The following ERCC6L2 variants were observed in gnomAD, a reference collection of about 807,000 sequenced individuals.
ERCC6L2 encodes the protein ERCC excision repair 6 like 2.
A neutral mutation model predicts 132.0 loss-of-function variants in ERCC6L2; 77 were observed. That is an observed-to-expected ratio of 0.58 (90% CI 0.49 to 0.71). ERCC6L2 has a LOEUF of 0.71. Among genes scored for constraint, ERCC6L2 ranks in the 30% least tolerant of loss-of-function variants. The probability of loss-of-function intolerance (pLI) is 0.00; values close to 1 mark genes in which losing one functional copy is unlikely to be tolerated. For synonymous variants in ERCC6L2, 583 were observed against 632.4 expected, an observed-to-expected ratio of 0.92 and a Z score of 1.17; for missense variants, 1,542 against 1,837.6, an observed-to-expected ratio of 0.84 and a Z score of 2.94.
chr9:95,953,351 C>G (rs924427438), intron 12 of ERCC6L2, among the ~76,000 whole-genome samples: 1 of 152,014 alleles, frequency 6.6e-6, no homozygotes, highest in Non-Finnish European at 1.5e-5. Flanking sequence ...CCGAGGCAGG[C>G]GGATCATGAG....
At chr9:96,009,222 G>T (rs561291712) in intron 18 of ERCC6L2, among the ~76,000 whole-genome samples, 1 of 152,218 alleles carries the variant, frequency 6.6e-6, no homozygotes, top group Non-Finnish European at 1.5e-5. Flanking sequence ...TGACAGACTC[G>T]TCAGCTTCGT....
intron 11 of ERCC6L2, among the ~76,000 whole-genome samples, chr9:95,936,545 C>T (rs1830561077): frequency 6.6e-6 from 1 of 152,174 alleles, no homozygotes; most frequent in South Asian, 2.1e-4. Flanking sequence ...ATGTTAGCCA[C>T]ATTTTTAAAT....
At chr9:96,019,043 C>A (rs142225888), downstream of ERCC6L2, among the ~76,000 whole-genome samples, 1 of 152,148 alleles carries the variant, frequency 6.6e-6, no homozygotes, top group South Asian at 2.1e-4. Context: ...GGGAAAAATG[C>A]GTGTGCAGCT....
chr9:95,908,156 C>T (rs1829169436), intron 4 of ERCC6L2, among the ~76,000 whole-genome samples: 2 of 152,122 alleles, frequency 1.3e-5, no homozygotes, highest in Admixed American at 1.3e-4. Context: ...TGAATTGTGT[C>T]GCTTCTCCTC....
intron 17 of ERCC6L2, among the ~76,000 whole-genome samples, chr9:95,996,389 G>A (rs1020075697): frequency 6.6e-6 from 1 of 152,270 alleles, no homozygotes; most frequent in African/African-American, 2.4e-5. Context: ...AAGTGCTGAT[G>A]TAGAAGCTGC....
intron 18 of ERCC6L2, among the ~76,000 whole-genome samples, chr9:96,011,709 G>C (rs1834030919): frequency 6.6e-6 from 1 of 152,096 alleles, no homozygotes; most frequent in Non-Finnish European, 1.5e-5. Context: ...CTTTCCTTTG[G>C]GCTCATCAAA....
At chr9:96,038,795 C>G (rs1200987911) in intron 19 of ERCC6L2, 5 of 452,200 alleles carry the variant, frequency 1.1e-5, no homozygotes, top group Non-Finnish European at 2.2e-5. Flanking sequence ...TCCCCTCATA[C>G]CGAATGGGGG....
chr9:95,877,621 C>CA (rs564546920), intron 1 of ERCC6L2, among the ~76,000 whole-genome samples: 157 of 152,052 alleles, frequency 1.0e-3, no homozygotes, highest in Non-Finnish European at 2.1e-3. Context: ...GCCTGGACAA[C>CA]ATAAGCGAGA....
At chr9:95,964,366 A>G (rs185879429) in intron 13 of ERCC6L2, among the ~76,000 whole-genome samples, 11 of 152,166 alleles carry the variant, frequency 7.2e-5, no homozygotes, top group African/African-American at 2.6e-4. Context: ...TTCTTTTTGC[A>G]CTTCTTTACT....
chr9:95,945,242 G>T (rs900992978), intron 12 of ERCC6L2, among the ~76,000 whole-genome samples: 5 of 152,114 alleles, frequency 3.3e-5, no homozygotes, highest in African/African-American at 9.7e-5. Context: ...AGAATTCAGC[G>T]ATATTTCTCC....
At chr9:96,030,334 C>T (rs1258196690) in intron 19 of ERCC6L2, among the ~76,000 whole-genome samples, 1 of 152,158 alleles carries the variant, frequency 6.6e-6, no homozygotes, top group Non-Finnish European at 1.5e-5. Context: ...CTCGGGTTCC[C>T]TTCCATGCTG....
intron 19 of ERCC6L2, among the ~76,000 whole-genome samples, chr9:96,029,904 G>A (rs559603932): frequency 1.3e-5 from 2 of 152,188 alleles, no homozygotes; most frequent in Non-Finnish European, 2.9e-5. Context: ...GCTGTTGGGC[G>A]TGCCTTTGCT....
In ERCC6L2 at chr9:96,001,707, G is replaced by A. The variant is rs185446083; in HGVS notation, c.3493-2813G>A. ...AGGTGGAGCTGCCTGCCAGTCCTGC[G>A]CCGTGTGCTCGCATTCCTCAGCCCT... On this transcript the variant is annotated intron_variant, in intron 17 of 18. Coordinates refer to ENST00000653738, the MANE Select transcript of ERCC6L2 (RefSeq NM_020207.7). Among the ~76,000 whole-genome samples the A allele has an allele frequency of 5.4e-3, 826 of 152,376 alleles. 7 individuals carry two copies. Among genetic ancestry groups the A allele is most frequent in the African/African-American group, 0.016 (677 of 41,598 alleles).
At chr9:95,918,609 T>C in intron 6 of ERCC6L2, 1 of 298,916 alleles carries the variant, frequency 3.3e-6, no homozygotes, top group South Asian at 3.4e-5. Context: ...TCGGGGGGCC[T>C]AGGACTGGCT....
At chr9:95,918,442 C>T (rs1829704563) in intron 6 of ERCC6L2, 3 of 445,862 alleles carry the variant, frequency 6.7e-6, no homozygotes, top group South Asian at 5.1e-5. Context: ...GGCCTCATAG[C>T]TACCATTTAT....
At chr9:95,989,828 A>G (rs1833229688) in intron 17 of ERCC6L2, among the ~76,000 whole-genome samples, 3 of 152,218 alleles carry the variant, frequency 2.0e-5, no homozygotes, top group Admixed American at 2.0e-4. Flanking sequence ...CAAATGAGAA[A>G]TCAACATAAT....
In ERCC6L2 at chr9:95,881,132, G is replaced by A. The variant is rs564457309; in HGVS notation, c.310G>A (p.Val104Ile). The A allele has an allele frequency of 1.9e-6, 3 of 1,613,706 alleles. No individual in the cohort carries two copies. Among genetic ancestry groups the A allele is most frequent in the Non-Finnish European group, 2.5e-6 (3 of 1,179,882 alleles). ...AAACCGAAAATTTCCATCATCTTCTGTTGCTTTTAAATTATCTGACAATGG... is the reference window on the plus strand; with the variant it reads ...AAACCGAAAATTTCCATCATCTTCTATTGCTTTTAAATTATCTGACAATGG... ...FPNRKFPSSS[V>I]AFKLSDNGDS... is the part of the protein sequence containing the mutation. Residue 104 changes from valine to isoleucine, a missense_variant, in exon 2 of 19, where the codon GTT becomes ATT. Coordinates refer to ENST00000653738, the MANE Select transcript of ERCC6L2 (RefSeq NM_020207.7).
intron 6 of ERCC6L2, among the ~76,000 whole-genome samples, chr9:95,917,941 A>T (rs534081598): frequency 1.3e-5 from 2 of 152,214 alleles, no homozygotes; most frequent in African/African-American, 4.8e-5. Flanking sequence ...TTGTACTTCA[A>T]TCATTGACCA....
chr9:96,037,230 C>G (rs911642700), intron 19 of ERCC6L2, among the ~76,000 whole-genome samples: 1 of 152,196 alleles, frequency 6.6e-6, no homozygotes, highest in Non-Finnish European at 1.5e-5. Context: ...TGGCAGTGCC[C>G]GTCCCTGTGC....
Sources: allele counts gnomAD v4.1 joint callset (sites outside exome capture counted in the v4.1 genomes callset), GRCh38; gene constraint gnomAD v4.1.1; transcripts MANE v1.5; gene names NCBI Gene and HGNC (gene_info 2026-07-23, HGNC 2026-07-21).